Variants in KCNIP4 observed in about 807,000 individuals in gnomAD.
KCNIP4 encodes potassium voltage-gated channel interacting protein 4.
A neutral mutation model predicts 34.0 loss-of-function variants in KCNIP4; 12 were observed. The observed-to-expected ratio is 0.35, with a 90% CI of 0.23 to 0.57. The LOEUF (loss-of-function observed/expected upper bound fraction) is 0.57. Among genes scored for constraint, KCNIP4 ranks in the 20% least tolerant of loss-of-function variants. The pLI, the probability that KCNIP4 is intolerant of heterozygous loss-of-function variation, is 0.83. For missense variants in KCNIP4, 238 were observed against 311.7 expected (o/e 0.76, Z 1.78); for synonymous variants, 124 against 102.2 (o/e 1.21, Z -1.29).
chr4:20,814,496 C>T (rs1716145671), intron 3 of KCNIP4, among the ~76,000 whole-genome samples: 1 of 152,210 alleles, frequency 6.6e-6, no homozygotes, highest in African/African-American at 2.4e-5. Flanking sequence ...ATTGTATGAA[C>T]TCAGGTGCTA....
chr4:21,713,399 T>C (rs568943497), intron 1 of KCNIP4, among the ~76,000 whole-genome samples: 76 of 152,306 alleles, frequency 5.0e-4, no homozygotes, highest in African/African-American at 1.7e-3. Context: ...ATTTGGATAA[T>C]AGGAGTTGGC....
At chr4:21,421,884 C>T (rs1317820068) in intron 1 of KCNIP4, among the ~76,000 whole-genome samples, 1 of 152,110 alleles carries the variant, frequency 6.6e-6, no homozygotes, top group Non-Finnish European at 1.5e-5. Flanking sequence ...CATTCTGGAT[C>T]AATATAGGAC....
intron 1 of KCNIP4, among the ~76,000 whole-genome samples, chr4:21,451,918 CA>C (rs1284647821): frequency 1.3e-5 from 2 of 152,094 alleles, no homozygotes; most frequent in African/African-American, 4.8e-5. Flanking sequence ...TCTGAACATT[CA>C]AGATGATTGG....
intron 1 of KCNIP4, among the ~76,000 whole-genome samples, chr4:21,184,989 C>G (rs538294179): frequency 1.3e-5 from 2 of 152,222 alleles, no homozygotes; most frequent in African/African-American, 4.8e-5. Flanking sequence ...CCAGGTGGTA[C>G]TAGGTAAGCA....
At chr4:21,264,469 A>G (rs1446545994) in intron 1 of KCNIP4, among the ~76,000 whole-genome samples, 1 of 152,108 alleles carries the variant, frequency 6.6e-6, no homozygotes, top group Admixed American at 6.6e-5. Context: ...TGTTTAGACA[A>G]CTCACTGCTG....
At chr4:20,794,871 C>A (rs994863854) in intron 3 of KCNIP4, among the ~76,000 whole-genome samples, 2 of 152,156 alleles carry the variant, frequency 1.3e-5, no homozygotes, top group Non-Finnish European at 2.9e-5. Context: ...AGTTTCATTT[C>A]TTTGAAATGT....
At chr4:20,802,975 T>C (rs1223361666) in intron 3 of KCNIP4, among the ~76,000 whole-genome samples, 3 of 149,234 alleles carry the variant, frequency 2.0e-5, no homozygotes, top group Admixed American at 6.8e-5. Context: ...CTCAGGAGGC[T>C]GAGGCAGGAG....
At chr4:21,530,192 C>A in intron 1 of KCNIP4, among the ~76,000 whole-genome samples, 1 of 152,094 alleles carries the variant, frequency 6.6e-6, no homozygotes, top group East Asian at 1.9e-4. Context: ...AATGAATATT[C>A]CGGATCAAAT....
chr4:21,382,650 T>C (rs1721622011), intron 1 of KCNIP4, among the ~76,000 whole-genome samples: 1 of 152,210 alleles, frequency 6.6e-6, no homozygotes, highest in Non-Finnish European at 1.5e-5. Context: ...ACACCTGCAG[T>C]AGCCTTTAAA....
rs6821931 is a variant in KCNIP4, at chr4:21,519,558, A to G, written c.61+429013T>C. On this transcript the variant is annotated intron_variant, in intron 1 of 8. Transcript: ENST00000382152. The stretch of plus-strand genomic sequence containing the variant: ...TATGTGTATATACACATATGTGTGT[A>G]TGTGTATATATACACATATGTGTGT... Among the ~76,000 whole-genome samples, 6 of 47,246 alleles carry G rather than the reference A, an allele frequency of 1.3e-4. 3 individuals are homozygous for G. The highest frequency in any genetic ancestry group is 1.1e-3 in the Admixed American group (6 of 5,248). 31.0% of individuals were successfully genotyped at this position (47,246 alleles called of 152,430 possible).
At chr4:21,600,721 T>A (rs1157319304) in intron 1 of KCNIP4, among the ~76,000 whole-genome samples, 2 of 152,102 alleles carry the variant, frequency 1.3e-5, no homozygotes, top group Non-Finnish European at 2.9e-5. Context: ...CACTTTCGAT[T>A]TCCCCATGGT....
intron 1 of KCNIP4, among the ~76,000 whole-genome samples, chr4:21,515,806 T>C (rs777686839): frequency 2.0e-5 from 3 of 152,192 alleles, no homozygotes; most frequent in Non-Finnish European, 2.9e-5. Flanking sequence ...CCATCTGCTC[T>C]TCCACCATGG....
chr4:20,966,884 T>C (rs1054155351), intron 1 of KCNIP4, among the ~76,000 whole-genome samples: 2 of 152,176 alleles, frequency 1.3e-5, no homozygotes, highest in Admixed American at 1.3e-4. Context: ...AAAATTATTC[T>C]GTGTCTCAGA....
chr4:21,785,529 T>A (rs2109221858), intron 1 of KCNIP4, among the ~76,000 whole-genome samples: 1 of 151,862 alleles, frequency 6.6e-6, no homozygotes, highest in Admixed American at 6.6e-5. Context: ...GAGGCAGAGG[T>A]TGCAGTGAGC....
intron 1 of KCNIP4, among the ~76,000 whole-genome samples, chr4:21,386,098 T>C (rs1319838376): frequency 1.3e-5 from 2 of 152,210 alleles, no homozygotes; most frequent in African/African-American, 2.4e-5. Flanking sequence ...GCAGATAATG[T>C]AGAAACAATA....
chr4:20,916,207 A>T, intron 1 of KCNIP4: 3 of 422,394 alleles, frequency 7.1e-6, no homozygotes, highest in Non-Finnish European at 9.5e-6. Context: ...TTATAAAATG[A>T]CCCCTAACTC....
At chr4:21,324,753 T>C (rs1242026869) in intron 1 of KCNIP4, among the ~76,000 whole-genome samples, 3 of 151,838 alleles carry the variant, frequency 2.0e-5, no homozygotes, top group Non-Finnish European at 4.4e-5. Context: ...TCTTTTGTGG[T>C]TCCACATAAA....
chr4:21,911,529 T>C (rs1438999908), intron 1 of KCNIP4, among the ~76,000 whole-genome samples: 1 of 146,804 alleles, frequency 6.8e-6, no homozygotes. Flanking sequence ...TTTTTTTTTT[T>C]TTTTGGCACT....
chr4:21,565,526 C>T (rs1292071792), intron 1 of KCNIP4, among the ~76,000 whole-genome samples: 1 of 152,072 alleles, frequency 6.6e-6, no homozygotes, highest in Non-Finnish European at 1.5e-5. Flanking sequence ...AACTATTTAG[C>T]CTCAAACCTG....
Sources: allele counts gnomAD v4.1 joint callset (sites outside exome capture counted in the v4.1 genomes callset), GRCh38; gene constraint gnomAD v4.1.1; transcripts MANE v1.5; gene names NCBI Gene and HGNC (gene_info 2026-07-23, HGNC 2026-07-21).